DLG2: variants seen among roughly 807,000 people sequenced by gnomAD.
DLG2 encodes the protein discs large MAGUK scaffold protein 2, also known as disks large homolog 2.
In DLG2, 45 loss-of-function variants were observed where a neutral mutation model predicts 132.5. The observed-to-expected ratio is 0.34, with a 90% CI of 0.27 to 0.44. The LOEUF is 0.44. Among genes scored for constraint, DLG2 ranks in the 20% least tolerant of loss-of-function variants. The pLI is 1.00. For synonymous variants in DLG2, 424 were observed against 419.6 expected (o/e 1.01, Z -0.13); for missense variants, 1,045 against 1,196.9 (o/e 0.87, Z 1.87).
At chr11:83,912,477 C>T (rs4943882) in intron 15 of DLG2, among the ~76,000 whole-genome samples, 2 of 152,194 alleles carry the variant, frequency 1.3e-5, no homozygotes, top group East Asian at 3.9e-4. Context: ...AGAGTGCTAG[C>T]TGATTTCAAG....
intron 3 of DLG2, among the ~76,000 whole-genome samples, chr11:85,591,576 TA>T (rs35106864): frequency 6.6e-6 from 1 of 150,872 alleles, no homozygotes; most frequent in African/African-American, 2.4e-5. Context: ...CCGTCTCTAC[TA>T]AAAAAAAATA....
intron 4 of DLG2, among the ~76,000 whole-genome samples, chr11:85,170,328 G>C (rs1249378934): frequency 2.6e-5 from 4 of 152,094 alleles, no homozygotes; most frequent in African/African-American, 9.7e-5. Context: ...TATACAGCAG[G>C]ATACTTGCCT....
intron 3 of DLG2, among the ~76,000 whole-genome samples, chr11:85,318,761 T>C (rs1246039215): frequency 6.6e-6 from 1 of 151,868 alleles, no homozygotes; most frequent in African/African-American, 2.4e-5. Flanking sequence ...AGCAATACTG[T>C]TGCAGCATCT....
chr11:85,209,631 G>C (rs1408244771), intron 4 of DLG2, among the ~76,000 whole-genome samples: 2 of 120,676 alleles, frequency 1.7e-5, no homozygotes, highest in Admixed American at 9.6e-5. Context: ...GTAGAAACAG[G>C]GTTTCACCAT....
intron 8 of DLG2, among the ~76,000 whole-genome samples, chr11:84,203,234 C>T (rs975790669): frequency 6.6e-6 from 1 of 152,078 alleles, no homozygotes; most frequent in African/African-American, 2.4e-5. Context: ...CAATGATAGA[C>T]TGGATAAAGA....
intron 6 of DLG2, among the ~76,000 whole-genome samples, chr11:84,736,763 C>A (rs1253935204): frequency 6.6e-6 from 1 of 151,898 alleles, no homozygotes; most frequent in African/African-American, 2.4e-5. Context: ...GCTAAACTCA[C>A]CTATTAGTCT....
chr11:84,753,842 T>C (rs1009827326), intron 6 of DLG2, among the ~76,000 whole-genome samples: 1 of 152,162 alleles, frequency 6.6e-6, no homozygotes, highest in African/African-American at 2.4e-5. Flanking sequence ...GCCAGCAATA[T>C]AGGCACTAAA....
chr11:84,344,192 A>T (rs925560642), intron 7 of DLG2, among the ~76,000 whole-genome samples: 14 of 152,194 alleles, frequency 9.2e-5, no homozygotes, highest in African/African-American at 3.4e-4. Flanking sequence ...GGAGGAGGTA[A>T]AGTGACCGAG....
chr11:85,457,515 G>A (rs2092462034), intron 3 of DLG2, among the ~76,000 whole-genome samples: 2 of 152,172 alleles, frequency 1.3e-5, no homozygotes, highest in African/African-American at 4.8e-5. Context: ...ACTTGCTTGT[G>A]TTGTTGCTTT....
chr11:85,281,218 G>A (rs999696838), intron 4 of DLG2, among the ~76,000 whole-genome samples: 2 of 151,974 alleles, frequency 1.3e-5, no homozygotes, highest in African/African-American at 2.4e-5. Flanking sequence ...CAAACAAGTC[G>A]ATGTCACTTT....
chr11:84,570,400 T>TA (rs1280615981), intron 6 of DLG2, among the ~76,000 whole-genome samples: 1 of 152,200 alleles, frequency 6.6e-6, no homozygotes. Flanking sequence ...ACTTTTGACT[T>TA]ATATCTGATC....
At chr11:84,101,218 C>T (rs2092490824) in intron 9 of DLG2, among the ~76,000 whole-genome samples, 1 of 152,030 alleles carries the variant, frequency 6.6e-6, no homozygotes, top group Non-Finnish European at 1.5e-5. Flanking sequence ...GACCTGGTGA[C>T]ATAGAGAAGA....
At position 83,506,195 on chromosome 11, in the gene DLG2, G is replaced by A. The variant is rs183812480; in HGVS notation, c.2194-21967C>T. On this transcript the variant is annotated intron_variant, in intron 21 of 27. Transcript: ENST00000376104. ...AACTTGGTCCTAGAATTTCCAGCTC[G>A]CTCACAGTGGGCCATCTTTTAATCC... is the stretch of plus-strand genomic sequence containing the variant. 2.4e-4 allele frequency among the ~76,000 whole-genome samples: 37 copies of A among 152,212 alleles called. 1 individual carries two copies. The highest frequency in any genetic ancestry group is 1.4e-3 in the Admixed American group (21 of 15,278).
At chr11:84,700,941 A>G (rs2059157974) in intron 6 of DLG2, among the ~76,000 whole-genome samples, 1 of 151,558 alleles carries the variant, frequency 6.6e-6, no homozygotes, top group Non-Finnish European at 1.5e-5. Flanking sequence ...TTCCACCAAG[A>G]CATATGTACC....
intron 3 of DLG2, among the ~76,000 whole-genome samples, chr11:85,295,556 G>A (rs2152779879): frequency 6.6e-6 from 1 of 152,250 alleles, no homozygotes; most frequent in African/African-American, 2.4e-5. Flanking sequence ...CAATGGCAAG[G>A]CTATTACTGG....
chr11:85,039,034 C>G (rs2061634061), intron 6 of DLG2, among the ~76,000 whole-genome samples: 1 of 151,836 alleles, frequency 6.6e-6, no homozygotes, highest in Admixed American at 6.6e-5. Flanking sequence ...CCCCTTTTGT[C>G]TGCTTTGTCA....
intron 6 of DLG2, among the ~76,000 whole-genome samples, chr11:85,034,139 G>A (rs372554782): frequency 4.4e-4 from 67 of 150,680 alleles, no homozygotes; most frequent in African/African-American, 1.0e-3. Context: ...GTGCAGTGGC[G>A]CAATTTCGGC....
intron 6 of DLG2, among the ~76,000 whole-genome samples, chr11:84,859,259 A>T (rs2083228114): frequency 2.0e-5 from 3 of 149,946 alleles, no homozygotes; most frequent in Admixed American, 6.7e-5. Flanking sequence ...ATATACATAT[A>T]TATACATGTT....
At chr11:84,601,872 T>C (rs1219428499) in intron 6 of DLG2, among the ~76,000 whole-genome samples, 1 of 152,042 alleles carries the variant, frequency 6.6e-6, no homozygotes, top group Non-Finnish European at 1.5e-5. Flanking sequence ...GAATTCGTGG[T>C]TAGAAAACCT....
Sources: gnomAD v4.1 joint callset for allele counts (sites outside exome capture counted in the v4.1 genomes callset) on GRCh38, gnomAD v4.1.1 for gene constraint, MANE v1.5 for transcripts, NCBI Gene and HGNC (gene_info 2026-07-23, HGNC 2026-07-21) for gene names.